Variants in CNTN4 observed in about 807,000 individuals in gnomAD.
The protein encoded by CNTN4 is contactin 4.
A neutral mutation model predicts 122.5 loss-of-function variants in CNTN4; 77 were observed. That is an observed-to-expected ratio of 0.63 (90% CI 0.52 to 0.76). The LOEUF (loss-of-function observed/expected upper bound fraction) is 0.76, where lower values mean the gene tolerates loss of function less well. Ranked by LOEUF, CNTN4 falls within the 30% of genes least tolerant of loss-of-function variation. CNTN4 has a pLI of 0.00. For synonymous variants in CNTN4, 512 were observed against 447.0 expected (o/e 1.15, Z -1.83); for missense variants, 1,256 against 1,259.1 (o/e 1.00, Z 0.04).
chr3:2,286,307 G>A (rs550108662), intron 2 of CNTN4, among the ~76,000 whole-genome samples: 173 of 139,516 alleles, frequency 1.2e-3, no homozygotes, highest in Middle Eastern at 4.2e-3. Flanking sequence ...GAATTTTTTG[G>A]TTGTGTATAC....
intron 4 of CNTN4, among the ~76,000 whole-genome samples, chr3:2,684,592 G>T (rs2085337379): frequency 6.6e-6 from 1 of 152,018 alleles, no homozygotes; most frequent in African/African-American, 2.4e-5. Flanking sequence ...AATAACATTG[G>T]ACCCTGAGCA....
intron 4 of CNTN4, among the ~76,000 whole-genome samples, chr3:2,597,208 C>G (rs1364174781): frequency 6.6e-6 from 1 of 152,154 alleles, no homozygotes; most frequent in African/African-American, 2.4e-5. Context: ...ACACCTCTTC[C>G]TTAGCAGTTC....
chr3:2,237,535 A>G (rs555776031), intron 2 of CNTN4, among the ~76,000 whole-genome samples: 4 of 152,150 alleles, frequency 2.6e-5, no homozygotes, highest in Non-Finnish European at 1.5e-5. Context: ...CTTTGAGAGT[A>G]AAAAGAGAGA....
intron 4 of CNTN4, among the ~76,000 whole-genome samples, chr3:2,675,212 C>A (rs1227425740): frequency 6.6e-6 from 1 of 152,004 alleles, no homozygotes; most frequent in Non-Finnish European, 1.5e-5. Context: ...TGATCTGGCC[C>A]TTCCTGCCTC....
rs182981138 is a variant in CNTN4, at chr3:2,788,123, A to G, written c.359-31363A>G. On this transcript the variant is annotated intron_variant, in intron 6 of 24. Transcript: ENST00000418658. The stretch of plus-strand genomic sequence containing the variant: ...TAATGTAATCATAAGAGTAACAACT[A>G]TATACCATCACATCATCATCATAAC... Among the ~76,000 whole-genome samples the G allele has an allele frequency of 8.1e-3, 1,233 of 152,294 alleles. 6 individuals are homozygous for G. The highest frequency in any genetic ancestry group is 0.013 in the Non-Finnish European group (884 of 68,026).
At chr3:2,946,708 T>TC (rs1159385735) in intron 13 of CNTN4, among the ~76,000 whole-genome samples, 3 of 148,400 alleles carry the variant, frequency 2.0e-5, no homozygotes, top group East Asian at 3.9e-4. Context: ...TTTTTTCTTT[T>TC]TTTTTTTTTT....
chr3:2,929,921 A>G (rs1451416384), intron 13 of CNTN4, among the ~76,000 whole-genome samples: 1 of 152,184 alleles, frequency 6.6e-6, no homozygotes, highest in Non-Finnish European at 1.5e-5. Context: ...AACTCCCACC[A>G]TAATTACAGA....
At chr3:2,329,769 C>G (rs1232912747) in intron 2 of CNTN4, among the ~76,000 whole-genome samples, 1 of 151,954 alleles carries the variant, frequency 6.6e-6, no homozygotes, top group African/African-American at 2.4e-5. Context: ...TTGCTTTGTA[C>G]CAGGAAAAAT....
At chr3:2,895,175 C>T (rs1433906497) in intron 10 of CNTN4, among the ~76,000 whole-genome samples, 2 of 152,078 alleles carry the variant, frequency 1.3e-5, no homozygotes, top group African/African-American at 4.8e-5. Flanking sequence ...GAGGTTTCAC[C>T]ATGTTGGCCA....
chr3:2,317,848 T>A (rs1259256045), intron 2 of CNTN4, among the ~76,000 whole-genome samples: 2 of 152,162 alleles, frequency 1.3e-5, no homozygotes, highest in Non-Finnish European at 1.5e-5. Flanking sequence ...TGGCATCCCT[T>A]TTTTTCTGAG....
At chr3:2,555,044 A>G (rs2078663972) in intron 3 of CNTN4, among the ~76,000 whole-genome samples, 1 of 152,208 alleles carries the variant, frequency 6.6e-6, no homozygotes, top group African/African-American at 2.4e-5. Context: ...GTTCCCCAGA[A>G]CACATGTGAC....
rs140561897 is a variant in CNTN4, at chr3:2,348,403, C to A, written c.-89+9170C>A. Among the ~76,000 whole-genome samples the A allele has an allele frequency of 2.7e-3, 418 of 152,182 alleles. 4 individuals are homozygous for A. Among genetic ancestry groups the A allele is most frequent in the Middle Eastern group, 0.014 (4 of 294 alleles). On this transcript the variant is annotated intron_variant, in intron 3 of 24. Transcript: ENST00000418658. ...TATATAGGGACTTTAGATATATCTCCCTGTGCTTGGAAGACTATGTCTCCT... is the reference window on the plus strand; with the variant it reads ...TATATAGGGACTTTAGATATATCTCACTGTGCTTGGAAGACTATGTCTCCT...
rs546677899 is a variant in CNTN4 at position 2,405,733 on chromosome 3, A to G, written c.-89+66500A>G. ...AATTGAACACCATCATCAAAACACTATGTTAATGGCTGGGCATGGTGGCAC... is the reference window on the plus strand; with the variant it reads ...AATTGAACACCATCATCAAAACACTGTGTTAATGGCTGGGCATGGTGGCAC... On this transcript the variant is annotated intron_variant, in intron 3 of 24. Coordinates refer to ENST00000418658, the MANE Select transcript of CNTN4 (RefSeq NM_175607.3). Among the ~76,000 whole-genome samples, 3 of 152,250 alleles carry G rather than the reference A, an allele frequency of 2.0e-5. No homozygotes were observed. In the South Asian group the frequency reaches 6.2e-4, roughly 32 times the overall value.
chr3:2,615,201 T>C (rs1025594902), intron 4 of CNTN4, among the ~76,000 whole-genome samples: 2 of 152,246 alleles, frequency 1.3e-5, no homozygotes, highest in Non-Finnish European at 2.9e-5. Flanking sequence ...GTCTGTATCA[T>C]ATTAATTAGG....
At chr3:2,449,341 G>A (rs1002247919) in intron 3 of CNTN4, among the ~76,000 whole-genome samples, 20 of 151,856 alleles carry the variant, frequency 1.3e-4, no homozygotes, top group African/African-American at 3.9e-4. Flanking sequence ...AGGGCTGGGC[G>A]TGGTGACTCA....
chr3:2,781,899 A>AT (rs1200722060), intron 6 of CNTN4, among the ~76,000 whole-genome samples: 1 of 77,678 alleles, frequency 1.3e-5, no homozygotes, highest in Non-Finnish European at 3.0e-5. Flanking sequence ...AATTTTTTGT[A>AT]TTTTTAGTAG....
intron 5 of CNTN4, among the ~76,000 whole-genome samples, chr3:2,739,581 G>T (rs1310981329): frequency 6.7e-6 from 1 of 150,262 alleles, no homozygotes; most frequent in Non-Finnish European, 1.5e-5. Context: ...TGGAGTGGTT[G>T]TTCAAGGTAT....
intron 3 of CNTN4, among the ~76,000 whole-genome samples, chr3:2,351,996 T>C (rs1003111338): frequency 3.3e-5 from 5 of 152,216 alleles, no homozygotes; most frequent in African/African-American, 1.2e-4. Flanking sequence ...GTGATAGATA[T>C]GTTAATTAGC....
At chr3:2,193,181 C>T (rs2037668009) in intron 2 of CNTN4, among the ~76,000 whole-genome samples, 1 of 152,070 alleles carries the variant, frequency 6.6e-6, no homozygotes, top group South Asian at 2.1e-4. Context: ...AAGCTGTACC[C>T]CCTTATCTAT....
Sources: gnomAD v4.1 joint callset for allele counts (sites outside exome capture counted in the v4.1 genomes callset) on GRCh38, gnomAD v4.1.1 for gene constraint, MANE v1.5 for transcripts, NCBI Gene and HGNC (gene_info 2026-07-23, HGNC 2026-07-21) for gene names.